The following ABCA2 variants were observed in gnomAD, a reference collection of about 807,000 sequenced individuals.
The protein encoded by ABCA2 is ATP binding cassette subfamily A member 2.
Under a neutral mutation model 262.8 loss-of-function variants are expected in ABCA2, and 84 were observed. The observed-to-expected ratio is 0.32, with a 90% CI of 0.27 to 0.38. The LOEUF is 0.38. Among genes scored for constraint, ABCA2 ranks in the 10% least tolerant of loss-of-function variants. The pLI is 1.00. For missense variants in ABCA2, 2,662 were observed against 3,405.9 expected (o/e 0.78, Z 5.44); for synonymous variants, 1,696 against 1,502.9 (o/e 1.13, Z -2.97).
chr9:137,027,940 C>G, intron 1 of ABCA2, 135 bp downstream of exon 1: 1 of 271,276 alleles, frequency 3.7e-6, no homozygotes, highest in Non-Finnish European at 5.6e-6. Context: ...GGGGAGGGGG[C>G]TCGGGCCCGC....
chr9:137,013,486 C>A lies in ABCA2; in HGVS notation c.4525G>T (p.Ala1509Ser). The A allele has an allele frequency of 6.2e-7, 1 of 1,608,966 alleles. No individual in the cohort carries two copies. Among genetic ancestry groups the A allele is most frequent in the Non-Finnish European group, 8.5e-7 (1 of 1,178,984 alleles). The change falls in exon 29 of 49, where the codon GCC (alanine) becomes TCC (serine). Residue 1509 changes from alanine (A) to serine (S), a missense_variant. Around this residue, in one of 12 missense-constraint regions of ABCA2, gnomAD observed 75 missense variants for 118.3 expected, o/e 0.63. Transcript: ENST00000341511. Reference sequence around the variant, plus strand: ...CGGTACTCGCGGCGCTCCTCGTTGGCGTAGGGGATGAAATTGCCACGGGGC... The same window carrying A: ...CGGTACTCGCGGCGCTCCTCGTTGGAGTAGGGGATGAAATTGCCACGGGGC... Reference protein sequence around the residue: ...TQPRGNFIPYANEERREYRLR... With the variant: ...TQPRGNFIPYSNEERREYRLR...
upstream of ABCA2, chr9:137,028,334 G>C: frequency 4.4e-6 from 4 of 910,984 alleles, no homozygotes; most frequent in Non-Finnish European, 5.2e-6. This position sits in a 1 kb window ranked among gnomAD's most constrained non-coding sequence, Gnocchi z 6.9. Flanking sequence ...GCCCGCCCCC[G>C]CTTAAAGGCG....
chr9:137,028,739 A>G (rs772666149), upstream of ABCA2: 1 of 1,273,016 alleles, frequency 7.9e-7, no homozygotes, highest in Non-Finnish European at 1.0e-6. The surrounding 1 kb of genome is among the most constrained non-coding windows in gnomAD (Gnocchi z 6.9). Context: ...CAGGGCGGCC[A>G]GGTGGGTCCG....
At chr9:137,009,340 C>T (rs772560598) in intron 45 of ABCA2, 30 bp downstream of exon 45, 3 of 1,456,826 alleles carry the variant, frequency 2.1e-6, no homozygotes, top group Non-Finnish European at 9.3e-7. Flanking sequence ...GGGCCCGCCC[C>T]AGCCCACCCC....
chr9:137,023,395 CA>C (rs979269093), intron 3 of ABCA2: 3 of 710,482 alleles, frequency 4.2e-6, no homozygotes, highest in Non-Finnish European at 7.8e-6. Flanking sequence ...CTACAGAGCC[CA>C]GGGGAGGACA....
intron 46 of ABCA2, 39 bp from the exon 47 acceptor site, chr9:137,008,907 C>CG (rs1554732649): frequency 1.9e-5 from 30 of 1,590,394 alleles, no homozygotes; most frequent in Non-Finnish European, 2.4e-5. Flanking sequence ...AGCGCCCCCC[C>CG]ACCCCGTAGC....
At chr9:137,007,991 G>A in intron 48 of ABCA2, 27 bp from the exon 49 acceptor site, 1 of 1,596,686 alleles carries the variant, frequency 6.3e-7, no homozygotes, top group Non-Finnish European at 8.5e-7. Context: ...TCAGGCTTAT[G>A]GGGCATCCTG....
intron 47 of ABCA2, 42 bp from the exon 48 acceptor site, chr9:137,008,664 G>A (rs1259581316): frequency 1.3e-6 from 2 of 1,570,328 alleles, no homozygotes; most frequent in East Asian, 2.3e-5. Flanking sequence ...GCTGGTCTGG[G>A]GTGAGGAGGG....
chr9:137,009,214 C>G, intron 45 of ABCA2, 156 bp downstream of exon 45: 1 of 917,746 alleles, frequency 1.1e-6, no homozygotes. Context: ...GGCTCCTCCC[C>G]TGGCCCCACT....
rs753879316 is a variant in ABCA2, at chr9:137,014,154, C to T, written c.4240+14G>A. The T allele has an allele frequency of 8.7e-6, 14 of 1,602,960 alleles. No homozygotes were observed. Among genetic ancestry groups the T allele is most frequent in the African/African-American group, 1.3e-5 (1 of 74,804 alleles). On this transcript the variant is annotated intron_variant, in intron 27 of 48. Transcript: ENST00000341511. ...CCCTCCCTTGCTGTCCCAGCCTCAC[C>T]CTGCCACCCCCACCTTGCAGGCTGA...
Position 137,022,802 on chromosome 9 carries a change from C to T in ABCA2, c.339G>A (p.Ala113=), listed in dbSNP as rs373164156. The part of the protein sequence containing the change: ...VVEEGNLFDP[A]RPSLGSELEA... ...CGAGCTCTGAGCCCAGGCTGGGCCG[C>T]GCTGGGTCAAACAGGTTGCCTTCCT... Residue 113 remains alanine, a synonymous_variant, in exon 5 of 49, where the codon GCG becomes GCA. Coordinates refer to ENST00000341511, the MANE Select transcript of ABCA2 (RefSeq NM_001606.5). The T allele has an allele frequency of 1.0e-5, 16 of 1,593,556 alleles. No homozygotes were observed. The highest frequency in any genetic ancestry group is 1.7e-4 in the Middle Eastern group (1 of 5,962).
At chr9:137,022,604 T>C in intron 5 of ABCA2, 98 bp downstream of exon 5, 1 of 1,557,150 alleles carries the variant, frequency 6.4e-7, no homozygotes, top group South Asian at 1.2e-5. Context: ...GGGAACTCAG[T>C]GCAGGTGGAG....
At chr9:137,014,486 C>T in intron 26 of ABCA2, 82 bp from the exon 27 acceptor site, 1 of 1,479,018 alleles carries the variant, frequency 6.8e-7, no homozygotes, top group African/African-American at 1.4e-5. Flanking sequence ...CGGTCTTGAC[C>T]CCAGTTCCCA....
Position 137,011,359 on chromosome 9 carries a change from A to G in ABCA2, c.5799+48T>C. Reference sequence around the variant, plus strand: ...CACAGGGGTGGCCGGGGTGAGGGGCACAGCCTCCGCAGGGTCCGCCACCCC... The same window carrying G: ...CACAGGGGTGGCCGGGGTGAGGGGCGCAGCCTCCGCAGGGTCCGCCACCCC... On this transcript the variant is annotated intron_variant, in intron 37 of 48. Coordinates refer to ENST00000341511, the MANE Select transcript of ABCA2 (RefSeq NM_001606.5). This position sits in a 1 kb window ranked among gnomAD's most constrained non-coding sequence, Gnocchi z 8.8. 2 of 1,605,076 alleles carry G rather than the reference A, an allele frequency of 1.2e-6. No individual in the cohort carries two copies. The highest frequency in any genetic ancestry group is 1.7e-6 in the Non-Finnish European group (2 of 1,175,428).
Position 137,010,346 on chromosome 9 carries a change from C to T in ABCA2, c.6200G>A (p.Arg2067His), listed in dbSNP as rs373061291. Reference sequence around the variant, plus strand: ...GCACAGGCGGTCAACGGCCAGGATACGGCCAATCTTCCGGGACTTGTAGAC... The same window carrying T: ...GCACAGGCGGTCAACGGCCAGGATATGGCCAATCTTCCGGGACTTGTAGAC... ...TKVYKSRKIG[R>H]ILAVDRLCLG... Residue 2067 changes from arginine (R) to histidine (H), a missense_variant, in exon 41 of 49, where the codon CGT becomes CAT. Arg to His is a conservative substitution (Grantham distance 29). Coordinates refer to ENST00000341511, the MANE Select transcript of ABCA2 (RefSeq NM_001606.5). 3.5e-5 allele frequency: 55 copies of T among 1,579,604 alleles called. No homozygotes were observed. Among genetic ancestry groups the T allele is most frequent in the Middle Eastern group, 1.7e-4 (1 of 6,038 alleles).
In ABCA2 at chr9:137,020,410, C is replaced by G; in HGVS notation, c.1351G>C (p.Val451Leu). The change falls in exon 10 of 49, where the codon GTG (valine) becomes CTG (leucine). Residue 451 changes from valine (V) to leucine (L), a missense_variant. Around this residue, in one of 12 missense-constraint regions of ABCA2, gnomAD observed 92 missense variants for 146.7 expected, o/e 0.63. Coordinates refer to ENST00000341511, the MANE Select transcript of ABCA2 (RefSeq NM_001606.5). ...TTGGGGTTGCTGGTCATGAGGTGCA[C>G]GAGGAGGCCCAGGTTCCGCTGCTCC... ...SKEQRNLGLL[V>L]HLMTSNPKIL... The G allele has an allele frequency of 6.2e-7, 1 of 1,612,898 alleles. No individual in the cohort carries two copies. The highest frequency in any genetic ancestry group is 1.3e-5 in the African/African-American group (1 of 75,038).
In ABCA2 at chr9:137,009,506, G is replaced by T. The variant is rs1443515039; in HGVS notation, c.6734+35C>A. On this transcript the variant is annotated intron_variant, in intron 44 of 48. Coordinates refer to ENST00000341511, the MANE Select transcript of ABCA2 (RefSeq NM_001606.5). ...CTGGCACCGGAAGGGGTGCTGTGGG[G>T]TGGGGGCACAAAGAGGGGGTGGGGG... 3 of 1,612,104 alleles carry T rather than the reference G, an allele frequency of 1.9e-6. No homozygotes were observed. In the South Asian group the frequency reaches 3.3e-5, roughly 18 times the overall value.
Position 137,012,877 on chromosome 9 carries a change from A to C in ABCA2, c.4916T>G (p.Val1639Gly). ...PSLPRLVREPVRCTCSAQGTG... is the reference protein window; with the variant it reads ...PSLPRLVREPGRCTCSAQGTG... Reference sequence around the variant, plus strand: ...GCCCTGCGCAGAGCAGGTGCAGCGGACGGGCTCCCGTACCAGGCGCGGCAG... The same window carrying C: ...GCCCTGCGCAGAGCAGGTGCAGCGGCCGGGCTCCCGTACCAGGCGCGGCAG... Residue 1639 changes from valine (V) to glycine (G), a missense_variant, in exon 31 of 49, where the codon GTC becomes GGC. By Grantham distance (109) the Val-to-Gly change is moderately radical. Transcript: ENST00000341511. 1.3e-6 allele frequency: 2 copies of C among 1,585,486 alleles called. No individual in the cohort carries two copies. The highest frequency in any genetic ancestry group is 1.7e-6 in the Non-Finnish European group (2 of 1,164,092).
At chr9:137,015,934 T>TC in intron 22 of ABCA2, 28 bp downstream of exon 22, 2 of 654,338 alleles carry the variant, frequency 3.1e-6, no homozygotes, top group South Asian at 5.3e-5. Context: ...TCCGCCCACC[T>TC]GCCCCGCCCC....
Sources: allele counts gnomAD v4.1 joint callset, GRCh38; gene constraint gnomAD v4.1.1; regional missense constraint gnomAD v4.1.1; non-coding constraint Gnocchi (gnomAD v3.1); transcripts MANE v1.5; gene names NCBI Gene and HGNC (gene_info 2026-07-23, HGNC 2026-07-21).